Variants in ATP2B4 observed in about 807,000 individuals in gnomAD.
ATP2B4 encodes the protein ATPase plasma membrane Ca2+ transporting 4.
In ATP2B4, 39 loss-of-function variants were observed where a neutral mutation model predicts 110.3. The ratio of observed to expected loss-of-function variants is 0.35; its 90% CI spans 0.27 to 0.46. ATP2B4 has a LOEUF of 0.46. Ranked by LOEUF, ATP2B4 falls within the 20% of genes least tolerant of loss-of-function variation. The pLI is 1.00. For missense variants in ATP2B4, 1,135 were observed against 1,530.9 expected (o/e 0.74, Z 4.32); for synonymous variants, 538 against 571.7 (o/e 0.94, Z 0.84).
At chr1:203,648,772 G>T (rs1250872480) in intron 1 of ATP2B4, among the ~76,000 whole-genome samples, 2 of 152,118 alleles carry the variant, frequency 1.3e-5, no homozygotes, top group Non-Finnish European at 2.9e-5. Flanking sequence ...TCCTTTCTGG[G>T]CATCTTGAGG....
At chr1:203,732,989 G>A (rs1187162822) in intron 20 of ATP2B4, among the ~76,000 whole-genome samples, 1 of 152,158 alleles carries the variant, frequency 6.6e-6, no homozygotes, top group African/African-American at 2.4e-5. Flanking sequence ...TGGGCGTTGG[G>A]ACTCCATGGC....
chr1:203,661,538 G>A (rs1423710338), intron 1 of ATP2B4, among the ~76,000 whole-genome samples: 2 of 152,150 alleles, frequency 1.3e-5, no homozygotes, highest in Non-Finnish European at 2.9e-5. Context: ...AGCTGATGAT[G>A]GGGTGACTTT....
At position 203,707,319 on chromosome 1, in the gene ATP2B4, C is replaced by A. The variant is rs1235807511; in HGVS notation, c.1314+96C>A. On this transcript the variant is annotated intron_variant, in intron 9 of 20. Transcript: ENST00000357681. Reference sequence around the variant, plus strand: ...GTGAAAAGATAAGCCATTCTATCATCTATAAACTTTGGCTGGTGCCTCACA... The same window carrying A: ...GTGAAAAGATAAGCCATTCTATCATATATAAACTTTGGCTGGTGCCTCACA... The A allele has an allele frequency of 3.1e-6, 4 of 1,278,818 alleles. No individual in the cohort carries two copies. The Admixed American group carries it at 7.1e-5, about 23-fold the overall frequency. 79.2% of individuals were successfully genotyped at this position (1,278,818 alleles called of 1,614,324 possible).
Position 203,629,140 on chromosome 1 carries a change from A to T in ATP2B4, c.-465+1921A>T, listed in dbSNP as rs994374727. Among the ~76,000 whole-genome samples the T allele has an allele frequency of 6.6e-6, 1 of 152,100 alleles. No homozygotes were observed. Among genetic ancestry groups the T allele is most frequent in the Non-Finnish European group, 1.5e-5 (1 of 68,010 alleles). ...CAGGAACGATTTGATTTTCACTTTG[A>T]GGTGTTGATTGATCTGACTGCACCC... is the stretch of plus-strand genomic sequence containing the variant. On this transcript the variant is annotated intron_variant, in intron 1 of 20. Transcript: ENST00000357681. This position sits in a 1 kb window ranked among gnomAD's most constrained non-coding sequence, Gnocchi z 4.6.
intron 1 of ATP2B4, among the ~76,000 whole-genome samples, chr1:203,653,533 G>A (rs1664060718): frequency 6.6e-6 from 1 of 152,194 alleles, no homozygotes; most frequent in African/African-American, 2.4e-5. Context: ...TGGCTTCAAA[G>A]TTTCAAAGAA....
intron 1 of ATP2B4, among the ~76,000 whole-genome samples, chr1:203,644,743 G>A (rs1010476801): frequency 6.6e-6 from 1 of 152,114 alleles, no homozygotes; most frequent in Non-Finnish European, 1.5e-5. Context: ...CTAGGAAGTT[G>A]GTGACCGGAG....
chr1:203,640,130 C>T (rs935214854), intron 1 of ATP2B4, among the ~76,000 whole-genome samples: 6 of 152,090 alleles, frequency 3.9e-5, no homozygotes, highest in Admixed American at 6.5e-5. Flanking sequence ...CATTAAAGTG[C>T]TAGATATACG....
chr1:203,649,151 C>T (rs1428976740), intron 1 of ATP2B4, among the ~76,000 whole-genome samples: 1 of 152,112 alleles, frequency 6.6e-6, no homozygotes, highest in African/African-American at 2.4e-5. Flanking sequence ...GGAGACCATT[C>T]ATTTCTCCAG....
At chr1:203,646,096 G>A (rs1278574596) in intron 1 of ATP2B4, among the ~76,000 whole-genome samples, 1 of 151,906 alleles carries the variant, frequency 6.6e-6, no homozygotes, top group African/African-American at 2.4e-5. Context: ...AAAGTAATAT[G>A]TAAAAAGGAT....
At chr1:203,709,670 T>C in intron 11 of ATP2B4, 128 bp downstream of exon 11, 1 of 1,438,796 alleles carries the variant, frequency 7.0e-7, no homozygotes, top group Non-Finnish European at 9.4e-7. Flanking sequence ...ATAACTAATA[T>C]CCAAGCGTCT....
chr1:203,641,473 A>C (rs186002469), intron 1 of ATP2B4, among the ~76,000 whole-genome samples: 26 of 151,860 alleles, frequency 1.7e-4, no homozygotes, highest in Admixed American at 1.7e-3. Flanking sequence ...ACCACACCAG[A>C]CTCTCTCTAG....
At chr1:203,723,452 CT>C (rs1666403411) in intron 18 of ATP2B4, among the ~76,000 whole-genome samples, 7 of 138,654 alleles carry the variant, frequency 5.0e-5, no homozygotes, top group African/African-American at 1.7e-4. Flanking sequence ...CTCTCTCTCT[CT>C]CTCTCTCCCT....
chr1:203,724,763 C>T (rs1458151611), intron 19 of ATP2B4, among the ~76,000 whole-genome samples: 3 of 151,448 alleles, frequency 2.0e-5, no homozygotes, highest in East Asian at 3.9e-4. Context: ...TTAACTCTTA[C>T]CTGAGATAAA....
chr1:203,697,462 G>A (rs1665565740), intron 2 of ATP2B4, among the ~76,000 whole-genome samples: 1 of 152,224 alleles, frequency 6.6e-6, no homozygotes, highest in Non-Finnish European at 1.5e-5. Flanking sequence ...AATATTTAAT[G>A]TTCTCAGAGC....
intron 1 of ATP2B4, among the ~76,000 whole-genome samples, chr1:203,655,352 TA>T (rs55718039): frequency 0.95 from 144,236 of 151,984 alleles, 68,890 homozygotes; most frequent in Non-Finnish European, 1. Context: ...CATGGGGATG[TA>T]AAAAAAAAGA....
At chr1:203,720,102 T>A (rs962115383) in intron 15 of ATP2B4, among the ~76,000 whole-genome samples, 1 of 152,018 alleles carries the variant, frequency 6.6e-6, no homozygotes, top group Non-Finnish European at 1.5e-5. Context: ...AAAGGAAAAT[T>A]TTGAACAAAG....
chr1:203,650,701 G>C (rs997303774), intron 1 of ATP2B4, among the ~76,000 whole-genome samples: 1 of 152,152 alleles, frequency 6.6e-6, no homozygotes, highest in African/African-American at 2.4e-5. Flanking sequence ...CCACACCCCC[G>C]GGACTCGCTG....
intron 2 of ATP2B4, among the ~76,000 whole-genome samples, chr1:203,692,179 C>CT (rs1299546101): frequency 4.1e-5 from 6 of 147,220 alleles, no homozygotes; most frequent in African/African-American, 2.5e-5. Flanking sequence ...CACACCCGGC[C>CT]TTTTTTTTCT....
chr1:203,639,879 C>G (rs754947969), intron 1 of ATP2B4, among the ~76,000 whole-genome samples: 16 of 152,274 alleles, frequency 1.1e-4, no homozygotes, highest in Non-Finnish European at 2.1e-4. Flanking sequence ...TCCAGAGAAG[C>G]CCTCCAGTTC....
Sources: gnomAD v4.1 joint callset for allele counts (sites outside exome capture counted in the v4.1 genomes callset) on GRCh38, gnomAD v4.1.1 for gene constraint, Gnocchi (gnomAD v3.1) non-coding constraint, MANE v1.5 for transcripts, NCBI Gene and HGNC (gene_info 2026-07-23, HGNC 2026-07-21) for gene names.